ERBIN: variants seen among roughly 807,000 people sequenced by gnomAD.
ERBIN encodes erbb2 interacting protein, also known as densin-180-like protein.
In ERBIN, 60 loss-of-function variants were observed where a neutral mutation model predicts 158.4. The observed-to-expected ratio is 0.38, with a 90% confidence interval of 0.31 to 0.47. The LOEUF is 0.47. Among genes scored for constraint, ERBIN ranks in the 20% least tolerant of loss-of-function variants. ERBIN has a pLI of 0.99. For synonymous variants in ERBIN, 594 were observed against 557.2 expected (o/e 1.07, Z -0.93); for missense variants, 1,610 against 1,648.0 (o/e 0.98, Z 0.40).
intron 20 of ERBIN, among the ~76,000 whole-genome samples, chr5:66,052,941 G>A (rs898521800): frequency 6.6e-6 from 1 of 152,010 alleles, no homozygotes; most frequent in East Asian, 1.9e-4. Flanking sequence ...CGTTAACTAT[G>A]GTTAATTTGG....
In ERBIN at chr5:66,024,413, A is replaced by G. The variant is rs1303143415; in HGVS notation, c.780A>G (p.Leu260=). ...STCENLQDLL[L]SSNSLQQLPE... ...GTGAAAACCTTCAAGACCTCCTATT[A>G]TCAAGCAATTCACTTCAGCAGCTTC... Residue 260 remains leucine, a synonymous_variant, in exon 10 of 26, where the codon TTA becomes TTG. Coordinates refer to ENST00000284037, the MANE Select transcript of ERBIN (RefSeq NM_001253697.2). The G allele has an allele frequency of 1.2e-6, 2 of 1,603,462 alleles. No individual in the cohort carries two copies. The highest frequency in any genetic ancestry group is 1.7e-6 in the Non-Finnish European group (2 of 1,177,296).
intron 8 of ERBIN, among the ~76,000 whole-genome samples, chr5:66,021,986 AGAG>A (rs929418185): frequency 3.3e-5 from 5 of 151,302 alleles, no homozygotes; most frequent in African/African-American, 1.2e-4. Context: ...TTTTTTTTGA[AGAG>A]GAACTCATCC....
intron 21 of ERBIN, among the ~76,000 whole-genome samples, chr5:66,066,642 T>C (rs1363218749): frequency 6.6e-6 from 1 of 152,182 alleles, no homozygotes; most frequent in Admixed American, 6.5e-5. Flanking sequence ...TAAGAACTTT[T>C]TATTTCAGAG....
At chr5:65,972,753 G>C (rs1230272962) in intron 1 of ERBIN, among the ~76,000 whole-genome samples, 1 of 151,340 alleles carries the variant, frequency 6.6e-6, no homozygotes, top group Non-Finnish European at 1.5e-5. Flanking sequence ...TTGTCATCAA[G>C]TGGTGGTATT....
intron 21 of ERBIN, among the ~76,000 whole-genome samples, chr5:66,062,898 G>C (rs1363843055): frequency 2.6e-5 from 4 of 152,176 alleles, no homozygotes; most frequent in Non-Finnish European, 5.9e-5. Context: ...CATTCCTCTG[G>C]AAGTTTTGTC....
chr5:66,011,733 A>G (rs1487866870), intron 4 of ERBIN, among the ~76,000 whole-genome samples: 1 of 152,114 alleles, frequency 6.6e-6, no homozygotes, highest in Non-Finnish European at 1.5e-5. Flanking sequence ...TTTTAAAGTG[A>G]GAGAAACAGA....
At chr5:65,976,540 A>G (rs1225064148) in intron 1 of ERBIN, among the ~76,000 whole-genome samples, 5 of 138,844 alleles carry the variant, frequency 3.6e-5, no homozygotes, top group Non-Finnish European at 7.8e-5. Context: ...TTTTTTATTG[A>G]TCATTCTTGG....
At chr5:66,006,111 C>T (rs1561362801) in intron 4 of ERBIN, among the ~76,000 whole-genome samples, 1 of 152,120 alleles carries the variant, frequency 6.6e-6, no homozygotes, top group Admixed American at 6.5e-5. Flanking sequence ...AAGAACAAAG[C>T]TGGAGGCATC....
At chr5:65,940,675 C>G (rs1318140934) in intron 1 of ERBIN, among the ~76,000 whole-genome samples, 4 of 147,382 alleles carry the variant, frequency 2.7e-5, no homozygotes, top group Admixed American at 6.6e-5. Flanking sequence ...GGCCAGCCGC[C>G]CGGTCCGGGA....
chr5:66,010,627 T>TATATG (rs369025646), intron 4 of ERBIN, among the ~76,000 whole-genome samples: 6,071 of 152,238 alleles, frequency 0.04, 402 homozygotes, highest in African/African-American at 0.14. Context: ...TGACATTCTA[T>TATATG]ATATGATATT....
At chr5:66,024,913 A>G (rs1561390562) in intron 10 of ERBIN, among the ~76,000 whole-genome samples, 1 of 152,260 alleles carries the variant, frequency 6.6e-6, no homozygotes, top group East Asian at 1.9e-4. Flanking sequence ...CAATCTTGAC[A>G]TCTTTTTGAT....
At chr5:65,934,381 T>A (rs1297124423) in intron 1 of ERBIN, among the ~76,000 whole-genome samples, 1 of 152,226 alleles carries the variant, frequency 6.6e-6, no homozygotes, top group Non-Finnish European at 1.5e-5. Flanking sequence ...TTACATTTTG[T>A]TGTCATCTCT....
rs1305513864 is a variant in ERBIN, at chr5:66,048,672, T to C, written c.1794T>C (p.Ser598=). 6.2e-7 allele frequency: 1 copy of C among 1,600,466 alleles called. No homozygotes were observed. The highest frequency in any genetic ancestry group is 8.5e-7 in the Non-Finnish European group (1 of 1,172,288). The part of the protein sequence containing the change: ...IVNHDDVFEE[S]EELSSDEEMK... Reference sequence around the variant, plus strand: ...CCTCACCCCCTTTTCACTAGGAATCTGAAGAACTTTCTTCTGATGAAGAGA... The same window carrying C: ...CCTCACCCCCTTTTCACTAGGAATCCGAAGAACTTTCTTCTGATGAAGAGA... The change falls in exon 19 of 26, where the codon TCT becomes TCC. Residue 598 remains serine, a synonymous_variant. Transcript: ENST00000284037.
At chr5:65,987,863 T>C (rs919272882) in intron 1 of ERBIN, among the ~76,000 whole-genome samples, 9 of 151,450 alleles carry the variant, frequency 5.9e-5, no homozygotes, top group Admixed American at 5.3e-4. Flanking sequence ...AAAAAAATCT[T>C]AGAAGGGAAA....
At chr5:66,055,607 C>T (rs1759507360) in intron 21 of ERBIN, among the ~76,000 whole-genome samples, 1 of 152,048 alleles carries the variant, frequency 6.6e-6, no homozygotes, top group Admixed American at 6.5e-5. Flanking sequence ...AATGTAGATA[C>T]AGATATATAT....
intron 4 of ERBIN, among the ~76,000 whole-genome samples, chr5:65,998,568 A>G (rs574605315): frequency 2.3e-4 from 35 of 152,130 alleles, no homozygotes; most frequent in South Asian, 6.2e-4. Flanking sequence ...GATTGGATTC[A>G]TGCATAGTGA....
intron 1 of ERBIN, among the ~76,000 whole-genome samples, chr5:65,965,408 T>G (rs1259004469): frequency 5.9e-5 from 2 of 34,142 alleles, no homozygotes; most frequent in African/African-American, 9.9e-5. Context: ...TTTTTTTTTT[T>G]TTTTTTTTTT....
intron 20 of ERBIN, among the ~76,000 whole-genome samples, chr5:66,053,103 A>ATTCCAC (rs1759204662): frequency 6.6e-6 from 1 of 152,050 alleles, no homozygotes; most frequent in African/African-American, 2.4e-5. Context: ...AAACATTAAA[A>ATTCCAC]TTTTATTCAT....
intron 1 of ERBIN, among the ~76,000 whole-genome samples, chr5:65,978,293 CTAA>C (rs1457473051): frequency 5.9e-5 from 9 of 152,032 alleles, no homozygotes; most frequent in African/African-American, 1.9e-4. Flanking sequence ...ATAGAATGGT[CTAA>C]TGTCAGTTTT....
Sources: gnomAD v4.1 joint callset for allele counts (sites outside exome capture counted in the v4.1 genomes callset) on GRCh38, gnomAD v4.1.1 for gene constraint, MANE v1.5 for transcripts, NCBI Gene and HGNC (gene_info 2026-07-23, HGNC 2026-07-21) for gene names.